The following SMYD3 variants were observed in gnomAD, a reference collection of about 807,000 sequenced individuals.
The protein encoded by SMYD3 is histone-lysine N-methyltransferase SMYD3.
SMYD3 carries 36 observed loss-of-function variants against 57.7 expected under a neutral mutation model. That is an observed-to-expected ratio of 0.62 (90% CI 0.48 to 0.82). The LOEUF (loss-of-function observed/expected upper bound fraction) is 0.82, where lower values mean the gene tolerates loss of function less well. SMYD3 is among the 40% of genes least tolerant of loss of function. The probability of loss-of-function intolerance (pLI) is 0.00; values close to 1 mark genes in which losing one functional copy is unlikely to be tolerated. For missense variants in SMYD3, 515 were observed against 538.8 expected (o/e 0.96, Z 0.44); for synonymous variants, 211 against 195.0 (o/e 1.08, Z -0.68).
At chr1:246,333,204 G>C (rs1472501971) in intron 3 of SMYD3, among the ~76,000 whole-genome samples, 2 of 152,204 alleles carry the variant, frequency 1.3e-5, no homozygotes. Flanking sequence ...AGATTCAGAA[G>C]AACTTGGTTC....
intron 1 of SMYD3, among the ~76,000 whole-genome samples, chr1:246,395,225 A>T (rs2066640582): frequency 1.3e-5 from 2 of 152,230 alleles, no homozygotes; most frequent in Non-Finnish European, 2.9e-5. Flanking sequence ...CAAGCAACCA[A>T]ACCAGAACCA....
At chr1:246,175,292 C>T (rs563641997) in intron 5 of SMYD3, among the ~76,000 whole-genome samples, 44 of 152,184 alleles carry the variant, frequency 2.9e-4, no homozygotes, top group African/African-American at 1.1e-3. Flanking sequence ...TTTTTACATA[C>T]CTTATTATAA....
At chr1:246,472,853 CTTTT>C (rs74163449) in intron 1 of SMYD3, among the ~76,000 whole-genome samples, 3,371 of 102,836 alleles carry the variant, frequency 0.033, 59 homozygotes, top group African/African-American at 0.11. Flanking sequence ...TCTCAAATTT[CTTTT>C]TTTTTTTTTT....
intron 5 of SMYD3, among the ~76,000 whole-genome samples, chr1:246,082,331 C>G (rs77045745): frequency 6.6e-6 from 1 of 152,290 alleles, no homozygotes; most frequent in East Asian, 1.9e-4. Context: ...GATAACATTA[C>G]TATTGTAGTA....
At chr1:246,259,022 T>C (rs1483760086) in intron 5 of SMYD3, among the ~76,000 whole-genome samples, 1 of 152,216 alleles carries the variant, frequency 6.6e-6, no homozygotes, top group Non-Finnish European at 1.5e-5. Flanking sequence ...AAACTTTGAA[T>C]TGTATTTTTA....
At chr1:245,786,169 C>A (rs2047031897) in intron 10 of SMYD3, among the ~76,000 whole-genome samples, 1 of 112,526 alleles carries the variant, frequency 8.9e-6, no homozygotes, top group Non-Finnish European at 1.6e-5. Flanking sequence ...TAGTTGAGAA[C>A]AAAGCTTTGT....
At chr1:246,138,907 G>A (rs2061707840) in intron 5 of SMYD3, among the ~76,000 whole-genome samples, 1 of 152,058 alleles carries the variant, frequency 6.6e-6, no homozygotes, top group Non-Finnish European at 1.5e-5. Flanking sequence ...TAAAGCTGCA[G>A]GACAGTTAAG....
At chr1:245,849,090 G>A (rs2050820500) in intron 10 of SMYD3, among the ~76,000 whole-genome samples, 1 of 152,160 alleles carries the variant, frequency 6.6e-6, no homozygotes, top group South Asian at 2.1e-4. Context: ...TGCAACCAAG[G>A]AGGCACAGGA....
At chr1:246,002,664 G>C (rs112157300) in intron 5 of SMYD3, among the ~76,000 whole-genome samples, 60,565 of 62,836 alleles carry the variant, frequency 0.96, 29,183 homozygotes, top group East Asian at 0.98. Context: ...ATGTTAGCCA[G>C]GATGGTCTCG....
At chr1:246,282,738 A>G (rs1287906455) in intron 5 of SMYD3, among the ~76,000 whole-genome samples, 1 of 152,224 alleles carries the variant, frequency 6.6e-6, no homozygotes, top group Non-Finnish European at 1.5e-5. Context: ...TGCTTCTAGC[A>G]GATGAGACTT....
At chr1:246,343,831 T>C (rs2065668595) in intron 2 of SMYD3, among the ~76,000 whole-genome samples, 1 of 152,174 alleles carries the variant, frequency 6.6e-6, no homozygotes, top group African/African-American at 2.4e-5. Flanking sequence ...TCTAATTCTT[T>C]GAGTGGCTTA....
In SMYD3 at chr1:246,449,508, C is replaced by T. The variant is rs147368381; in HGVS notation, c.164+57546G>A. Among the ~76,000 whole-genome samples, 223 of 152,262 alleles carry T rather than the reference C, an allele frequency of 1.5e-3. 2 individuals are homozygous for T. Among genetic ancestry groups the T allele is most frequent in the Middle Eastern group, 6.8e-3 (2 of 294 alleles). On this transcript the variant is annotated intron_variant, in intron 1 of 11. Transcript: ENST00000490107. ...GGGACCTGCTTTGGAGCCAGGAAGA[C>T]CTGGGTTTGGAAATCTGACTTCTCC... is the stretch of plus-strand genomic sequence containing the variant.
intron 5 of SMYD3, among the ~76,000 whole-genome samples, chr1:246,068,321 A>G (rs1474823704): frequency 3.3e-5 from 5 of 152,034 alleles, no homozygotes; most frequent in African/African-American, 1.2e-4. Flanking sequence ...CGCAGCAAAA[A>G]GCTGTCATTT....
intron 5 of SMYD3, among the ~76,000 whole-genome samples, chr1:246,261,743 A>G (rs149553257): frequency 1.3e-5 from 2 of 152,330 alleles, no homozygotes; most frequent in East Asian, 3.8e-4. Context: ...ATAGAAGGAG[A>G]AATATACCAT....
At chr1:245,765,045 T>TACACACACACACAC (rs3085339) in intron 10 of SMYD3, among the ~76,000 whole-genome samples, 2 of 134,746 alleles carry the variant, frequency 1.5e-5, no homozygotes, top group African/African-American at 5.6e-5. Flanking sequence ...TGGAAATGCC[T>TACACACACACACAC]ACACACACAC....
intron 10 of SMYD3, among the ~76,000 whole-genome samples, chr1:245,782,616 C>T (rs938741051): frequency 7.2e-5 from 11 of 152,322 alleles, no homozygotes; most frequent in African/African-American, 2.6e-4. Flanking sequence ...GGGGCTATGA[C>T]TGCCTGTGAC....
At chr1:246,108,793 A>T (rs2061176483) in intron 5 of SMYD3, 1 of 152,304 alleles carries the variant, frequency 6.6e-6, no homozygotes, top group Non-Finnish European at 1.5e-5. Flanking sequence ...CAAGCAACGT[A>T]AGACAAAGAC....
chr1:246,240,900 A>G (rs1011087773), intron 5 of SMYD3, among the ~76,000 whole-genome samples: 2 of 151,788 alleles, frequency 1.3e-5, no homozygotes, highest in African/African-American at 2.4e-5. Context: ...TTTGTCTGTT[A>G]TTGGAGTATA....
At chr1:245,787,788 C>T (rs145234798) in intron 10 of SMYD3, among the ~76,000 whole-genome samples, 8 of 152,196 alleles carry the variant, frequency 5.3e-5, no homozygotes, top group South Asian at 2.1e-4. Context: ...CATTTTCATC[C>T]GTGGGAAGGA....
Sources: gnomAD v4.1 joint callset for allele counts (sites outside exome capture counted in the v4.1 genomes callset) on GRCh38, gnomAD v4.1.1 for gene constraint, MANE v1.5 for transcripts, NCBI Gene and HGNC (gene_info 2026-07-23, HGNC 2026-07-21) for gene names.